The following ATRNL1 variants were observed in gnomAD, a reference collection of about 807,000 sequenced individuals.
The protein encoded by ATRNL1 is attractin like 1, also known as attractin-like protein 1.
ATRNL1 carries 95 observed loss-of-function variants against 182.7 expected under a neutral mutation model. That is an observed-to-expected ratio of 0.52 (90% confidence interval 0.44 to 0.62). The LOEUF is 0.62. Ranked by LOEUF, ATRNL1 falls within the 20% of genes least tolerant of loss-of-function variation. ATRNL1 has a pLI of 0.00. For synonymous variants in ATRNL1, 576 were observed against 568.3 expected, an observed-to-expected ratio of 1.01 and a Z score of -0.19; for missense variants, 1,471 against 1,679.5, an observed-to-expected ratio of 0.88 and a Z score of 2.17.
chr10:115,346,192 T>G (rs560436321), intron 19 of ATRNL1, among the ~76,000 whole-genome samples: 1 of 152,298 alleles, frequency 6.6e-6, no homozygotes, highest in Non-Finnish European at 1.5e-5. Context: ...CACCATCATT[T>G]TCATTCCTCT....
chr10:115,899,620 T>A (rs1276862419), intron 28 of ATRNL1, among the ~76,000 whole-genome samples: 2 of 152,134 alleles, frequency 1.3e-5, no homozygotes, highest in Non-Finnish European at 2.9e-5. Flanking sequence ...TTATATGAAA[T>A]TTTTAAGTAA....
At chr10:115,466,332 T>C (rs1310697880) in intron 22 of ATRNL1, among the ~76,000 whole-genome samples, 2 of 151,370 alleles carry the variant, frequency 1.3e-5, no homozygotes, top group Admixed American at 6.6e-5. Flanking sequence ...CAGTATAGAA[T>C]TTTCTACAAG....
chr10:115,930,695 G>A (rs1555121405), intron 28 of ATRNL1, among the ~76,000 whole-genome samples: 1 of 152,200 alleles, frequency 6.6e-6, no homozygotes, highest in Non-Finnish European at 1.5e-5. Flanking sequence ...AAAGACTGCA[G>A]TAAATATACA....
intron 26 of ATRNL1, among the ~76,000 whole-genome samples, chr10:115,661,233 T>C (rs1255772737): frequency 1.3e-5 from 2 of 151,816 alleles, no homozygotes; most frequent in African/African-American, 4.9e-5. Flanking sequence ...ATTTGCATTA[T>C]ATCCTACCTT....
intron 19 of ATRNL1, among the ~76,000 whole-genome samples, chr10:115,390,590 G>GT (rs1434096068): frequency 1.3e-5 from 2 of 152,152 alleles, no homozygotes; most frequent in African/African-American, 4.8e-5. Flanking sequence ...ATATAGGTTT[G>GT]TAGTATATTT....
chr10:115,142,206 TATG>T (rs1181038249), intron 5 of ATRNL1, among the ~76,000 whole-genome samples: 1 of 152,168 alleles, frequency 6.6e-6, no homozygotes, highest in Non-Finnish European at 1.5e-5. Context: ...ACATTTAAAA[TATG>T]ATGATATGCT....
rs1592350956 is a variant in ATRNL1, at chr10:115,266,926, T to C, written c.1902T>C (p.Val634=). 4 of 1,612,494 alleles carry C rather than the reference T, an allele frequency of 2.5e-6. No individual in the cohort carries two copies. The highest frequency in any genetic ancestry group is 1.3e-5 in the African/African-American group (1 of 74,944). The change falls in exon 12 of 29, where the codon GTT becomes GTC. Residue 634 remains valine (V), a synonymous_variant. Transcript: ENST00000355044. ...ATGCTGGTCCAGGGATAAAATGTGTTTGGAATAAAAATCACTGTGAATCTT... is the reference window on the plus strand; with the variant it reads ...ATGCTGGTCCAGGGATAAAATGTGTCTGGAATAAAAATCACTGTGAATCTT... ...CKNAGPGIKC[V]WNKNHCESWE... is the part of the protein sequence containing the mutation.
At chr10:115,379,795 G>T (rs918385579) in intron 19 of ATRNL1, among the ~76,000 whole-genome samples, 1 of 152,056 alleles carries the variant, frequency 6.6e-6, no homozygotes, top group Non-Finnish European at 1.5e-5. Context: ...AACTGTGTAG[G>T]TTTATTTAAA....
At chr10:115,730,940 G>A (rs1353830585) in intron 27 of ATRNL1, among the ~76,000 whole-genome samples, 1 of 152,134 alleles carries the variant, frequency 6.6e-6, no homozygotes, top group Non-Finnish European at 1.5e-5. Flanking sequence ...CAGTGTTCGA[G>A]GGCAGGAAGC....
chr10:115,390,520 A>G (rs1232457449), intron 19 of ATRNL1, among the ~76,000 whole-genome samples: 2 of 152,054 alleles, frequency 1.3e-5, no homozygotes, highest in Non-Finnish European at 2.9e-5. Context: ...TGGGCTCTAT[A>G]TTCTGTTCCT....
chr10:115,905,151 G>A (rs892935745), intron 28 of ATRNL1, among the ~76,000 whole-genome samples: 1 of 152,178 alleles, frequency 6.6e-6, no homozygotes, highest in African/African-American at 2.4e-5. Context: ...AGTGCCCAGG[G>A]TTACTAAAAC....
At chr10:115,426,381 CTA>C in intron 21 of ATRNL1, 79 bp downstream of exon 21, 1 of 1,015,128 alleles carries the variant, frequency 9.9e-7, no homozygotes, top group Non-Finnish European at 1.5e-6. Context: ...TCTTGAATAA[CTA>C]AAATTGTCAT....
At chr10:115,211,028 C>T (rs1312717528) in intron 8 of ATRNL1, among the ~76,000 whole-genome samples, 1 of 147,830 alleles carries the variant, frequency 6.8e-6, no homozygotes, top group African/African-American at 2.5e-5. Flanking sequence ...TGTTTCTGCT[C>T]TATTTGTTGT....
rs1333254888 is a variant in ATRNL1 at position 115,630,810 on chromosome 10, A to C, written c.3795+81274A>C. On this transcript the variant is annotated intron_variant, in intron 26 of 28. Coordinates refer to ENST00000355044, the MANE Select transcript of ATRNL1 (RefSeq NM_207303.4). ...TATTGTACATCTATATTTAATAGAT[A>C]TATAATATATGTATTATACACACAC... Among the ~76,000 whole-genome samples, 5 of 139,430 alleles carry C rather than the reference A, an allele frequency of 3.6e-5. No individual in the cohort carries two copies. The East Asian group carries it at 1.0e-3, about 29-fold the overall frequency. The allele number at this position is 139,430 out of a possible 152,430, so 91.5% of individuals were successfully genotyped here. A position where few individuals can be genotyped will look rare whatever the true frequency, so the allele number is the denominator to read the frequency against.
Position 115,639,188 on chromosome 10 carries a change from T to G in ATRNL1, c.3796-88060T>G, listed in dbSNP as rs538917806. Among the ~76,000 whole-genome samples, 30 of 152,332 alleles carry G rather than the reference T, an allele frequency of 2.0e-4. No individual in the cohort carries two copies. In the South Asian group the frequency reaches 6.0e-3, roughly 31 times the overall value. On this transcript the variant is annotated intron_variant, in intron 26 of 28. Transcript: ENST00000355044. ...CACTACATATTGACACCAATTTGAATGTCAGCAAATTTCTCTTTTTAAACT... is the reference window on the plus strand; with the variant it reads ...CACTACATATTGACACCAATTTGAAGGTCAGCAAATTTCTCTTTTTAAACT...
At chr10:115,391,087 G>A (rs1554954207) in intron 19 of ATRNL1, among the ~76,000 whole-genome samples, 1 of 152,108 alleles carries the variant, frequency 6.6e-6, no homozygotes, top group East Asian at 1.9e-4. Context: ...CATGTCATCA[G>A]CAAACAGAAA....
At chr10:115,943,485 C>T (rs1279652052) in intron 28 of ATRNL1, among the ~76,000 whole-genome samples, 1 of 152,180 alleles carries the variant, frequency 6.6e-6, no homozygotes, top group Non-Finnish European at 1.5e-5. Flanking sequence ...TGCCACACAC[C>T]TATTAGAATG....
intron 24 of ATRNL1, among the ~76,000 whole-genome samples, chr10:115,472,874 A>G (rs1554972388): frequency 6.6e-6 from 1 of 151,112 alleles, no homozygotes. Context: ...TACCAGTCCT[A>G]TGTTGAATAG....
intron 8 of ATRNL1, among the ~76,000 whole-genome samples, chr10:115,193,647 T>G (rs1196340508): frequency 2.0e-5 from 3 of 151,836 alleles, no homozygotes; most frequent in Non-Finnish European, 4.4e-5. Flanking sequence ...ATTTTCATCT[T>G]TTCAAAAATA....
Sources: allele counts gnomAD v4.1 joint callset (sites outside exome capture counted in the v4.1 genomes callset), GRCh38; gene constraint gnomAD v4.1.1; transcripts MANE v1.5; gene names NCBI Gene and HGNC (gene_info 2026-07-23, HGNC 2026-07-21).